The following ZNHIT6 variants were observed in gnomAD, a reference collection of about 807,000 sequenced individuals.
ZNHIT6 encodes the protein zinc finger HIT-type containing 6.
ZNHIT6 carries 45 observed loss-of-function variants against 57.2 expected under a neutral mutation model. The observed-to-expected ratio is 0.79, with a 90% CI of 0.62 to 1.01. The LOEUF (loss-of-function observed/expected upper bound fraction) is 1.01. Ranked by LOEUF, ZNHIT6 falls within the 50% of genes least tolerant of loss-of-function variation. The pLI is 0.00. For synonymous variants in ZNHIT6, 188 were observed against 190.0 expected (o/e 0.99, Z 0.09); for missense variants, 528 against 567.3 (o/e 0.93, Z 0.70).
chr1:85,661,805 A>G (rs1464844140), intron 8 of ZNHIT6, among the ~76,000 whole-genome samples: 1 of 152,182 alleles, frequency 6.6e-6, no homozygotes, highest in Non-Finnish European at 1.5e-5. Flanking sequence ...CCATTAATAT[A>G]ATGTCTCTGC....
chr1:85,694,214 A>G (rs934483185), intron 5 of ZNHIT6, among the ~76,000 whole-genome samples: 5 of 152,228 alleles, frequency 3.3e-5, no homozygotes, highest in African/African-American at 1.2e-4. Context: ...TGTGCATTTC[A>G]TTACGTGTAA....
chr1:85,687,551 A>C (rs1346828972), intron 5 of ZNHIT6, among the ~76,000 whole-genome samples: 1 of 152,072 alleles, frequency 6.6e-6, no homozygotes, highest in East Asian at 1.9e-4. Context: ...AAAACAGTGA[A>C]TTGAAGGGCT....
At position 85,701,941 on chromosome 1, in the gene ZNHIT6, G is replaced by GACAC. The variant is rs3059888; in HGVS notation, c.1019+212_1019+215dup. Among the ~76,000 whole-genome samples the GACAC allele has an allele frequency of 3.7e-3, 551 of 150,396 alleles. 3 individuals are homozygous for GACAC. The highest frequency in any genetic ancestry group is 0.012 in the African/African-American group (480 of 41,008). The stretch of plus-strand genomic sequence containing the variant: ...TGAGAAGCTTCTCAAATGATATGAA[G>GACAC]ACACACACACACACACACACACACG... On this transcript the variant is annotated intron_variant, in intron 5 of 9. Transcript: ENST00000370574.
rs1254708135 is a variant in ZNHIT6, at chr1:85,678,724, C to T, written c.1146G>A (p.Lys382=). The change falls in exon 7 of 10, where the codon AAG becomes AAA. Residue 382 remains lysine (K), a synonymous_variant. Coordinates refer to ENST00000370574, the MANE Select transcript of ZNHIT6 (RefSeq NM_017953.4). ...ACCTTTGACGAATTACAGGATCAGA[C>T]TTTTCAGGATCAATGTAAGGTTTTA... ...EILKPYIDPE[K]SDPVIRQRLK... The T allele has an allele frequency of 1.3e-6, 2 of 1,590,792 alleles. No individual in the cohort carries two copies. Among genetic ancestry groups the T allele is most frequent in the Admixed American group, 3.6e-5 (2 of 56,060 alleles).
chr1:85,668,292 T>C (rs537568226), intron 8 of ZNHIT6, among the ~76,000 whole-genome samples: 1 of 152,196 alleles, frequency 6.6e-6, no homozygotes, highest in African/African-American at 2.4e-5. Context: ...TGGCATCTTC[T>C]ATTAAAGGCA....
chr1:85,704,388 C>T (rs531772724), intron 4 of ZNHIT6, among the ~76,000 whole-genome samples: 4 of 151,652 alleles, frequency 2.6e-5, no homozygotes, highest in East Asian at 1.9e-4. Context: ...TAAAAAAATG[C>T]GTAAACAAAT....
At chr1:85,676,197 G>A (rs1661697406) in intron 8 of ZNHIT6, among the ~76,000 whole-genome samples, 1 of 152,028 alleles carries the variant, frequency 6.6e-6, no homozygotes, top group Non-Finnish European at 1.5e-5. Flanking sequence ...TTAGCCGGGC[G>A]TGGTGGCACA....
chr1:85,665,249 A>G (rs890285953), intron 8 of ZNHIT6, among the ~76,000 whole-genome samples: 2 of 151,974 alleles, frequency 1.3e-5, no homozygotes, highest in Non-Finnish European at 2.9e-5. Context: ...GGTATAATTG[A>G]CAAATAGGAA....
chr1:85,658,998 C>T (rs1345182686), intron 8 of ZNHIT6, among the ~76,000 whole-genome samples: 2 of 152,082 alleles, frequency 1.3e-5, no homozygotes, highest in African/African-American at 4.8e-5. Flanking sequence ...AACCAATCAC[C>T]TTATGACAAT....
intron 5 of ZNHIT6, among the ~76,000 whole-genome samples, chr1:85,697,405 G>A (rs945475621): frequency 2.0e-5 from 3 of 151,986 alleles, no homozygotes; most frequent in Non-Finnish European, 4.4e-5. Flanking sequence ...TTCATTTTAA[G>A]ATTTTGATCC....
chr1:85,707,634 C>T lies in ZNHIT6; in HGVS notation c.651G>A (p.Met217Ile), dbSNP rs777683577. The T allele has an allele frequency of 1.9e-6, 3 of 1,548,390 alleles. No homozygotes were observed. The highest frequency in any genetic ancestry group is 2.6e-6 in the Non-Finnish European group (3 of 1,151,848). ...HPVGCKRKLAMSRCETCGTEE... is the reference protein window; with the variant it reads ...HPVGCKRKLAISRCETCGTEE... ...TGGAATCCCCCATGCCCTACCTTGACATGGCCAGTTTCCGCTTGCAGCCCA... is the reference window on the plus strand; with the variant it reads ...TGGAATCCCCCATGCCCTACCTTGATATGGCCAGTTTCCGCTTGCAGCCCA... Residue 217 changes from methionine (M) to isoleucine (I), a missense_variant, in exon 1 of 10, where the codon ATG becomes ATA. Transcript: ENST00000370574.
At chr1:85,667,204 G>C (rs1033759756) in intron 8 of ZNHIT6, among the ~76,000 whole-genome samples, 4 of 152,064 alleles carry the variant, frequency 2.6e-5, no homozygotes, top group Non-Finnish European at 5.9e-5. Flanking sequence ...CTGTAGACGG[G>C]CTATCCATTT....
At chr1:85,664,656 G>T (rs1211389437) in intron 8 of ZNHIT6, among the ~76,000 whole-genome samples, 1 of 151,980 alleles carries the variant, frequency 6.6e-6, no homozygotes, top group Non-Finnish European at 1.5e-5. Context: ...GGAGCAGAAA[G>T]AATAACTACT....
At chr1:85,669,764 T>C (rs1476149714) in intron 8 of ZNHIT6, among the ~76,000 whole-genome samples, 1 of 152,144 alleles carries the variant, frequency 6.6e-6, no homozygotes, top group Non-Finnish European at 1.5e-5. Context: ...GCCCATGCCC[T>C]CCACTGGGCA....
intron 6 of ZNHIT6, among the ~76,000 whole-genome samples, chr1:85,680,206 C>G (rs984413723): frequency 6.6e-6 from 1 of 152,164 alleles, no homozygotes; most frequent in South Asian, 2.1e-4. Context: ...ATCCTGCCCC[C>G]ACTCCCCTCC....
At chr1:85,657,725 A>G (rs1661099933) in intron 9 of ZNHIT6, 122 bp downstream of exon 9, 6 of 913,290 alleles carry the variant, frequency 6.6e-6, no homozygotes, top group Non-Finnish European at 9.8e-6. Context: ...CTAGCTATAC[A>G]GTAGATCCTG....
At position 85,651,125 on chromosome 1, in the gene ZNHIT6, T is replaced by C. The variant is rs115051402; in HGVS notation, c.*2933A>G. The C allele has an allele frequency of 2.1e-4, 32 of 152,240 alleles. No homozygotes were observed. Among genetic ancestry groups the C allele is most frequent in the Admixed American group, 2.1e-3 (32 of 15,284 alleles). 9.4% of individuals were successfully genotyped at this position (152,240 alleles called of 1,614,324 possible). A position where few individuals can be genotyped will look rare whatever the true frequency, so the allele number is the denominator to read the frequency against. ...AAGAAAATTGTTGGCATTATAGTTA[T>C]GTGATTAACATTTTAATTATATGTC... is the stretch of plus-strand genomic sequence containing the variant. On this transcript the variant is annotated 3_prime_UTR_variant, in exon 10 of 10. Coordinates refer to ENST00000370574, the MANE Select transcript of ZNHIT6 (RefSeq NM_017953.4).
At chr1:85,676,669 G>C (rs78698770) in intron 8 of ZNHIT6, among the ~76,000 whole-genome samples, 2,522 of 152,206 alleles carry the variant, frequency 0.017, 34 homozygotes, top group South Asian at 0.028. Context: ...GGGTGAATGA[G>C]TGGTTGGTAG....
intron 5 of ZNHIT6, among the ~76,000 whole-genome samples, chr1:85,695,970 A>G (rs1327697088): frequency 5.3e-5 from 8 of 152,124 alleles, no homozygotes; most frequent in African/African-American, 1.9e-4. Flanking sequence ...CGGGAGGCAG[A>G]GATTGCAGTA....
Sources: gnomAD v4.1 joint callset for allele counts (sites outside exome capture counted in the v4.1 genomes callset) on GRCh38, gnomAD v4.1.1 for gene constraint, MANE v1.5 for transcripts, NCBI Gene and HGNC (gene_info 2026-07-23, HGNC 2026-07-21) for gene names.